DMD: variants seen among roughly 807,000 people sequenced by gnomAD.
The protein encoded by DMD is dystrophin.
Under a neutral mutation model 330.1 loss-of-function variants are expected in DMD, and 63 were observed. The ratio of observed to expected loss-of-function variants is 0.19; its 90% CI spans 0.16 to 0.24. The LOEUF is 0.24. Among genes scored for constraint, DMD ranks in the 10% least tolerant of loss-of-function variants. The probability of loss-of-function intolerance (pLI) is 1.00; values close to 1 mark genes in which losing one functional copy is unlikely to be tolerated. For synonymous variants in DMD, 1,223 were observed against 959.8 expected (o/e 1.27, Z -5.07); for missense variants, 3,344 against 2,684.1 (o/e 1.25, Z -5.43).
intron 51 of DMD, among the ~76,000 whole-genome samples, chrX:31,762,330 G>A (rs1410990476): frequency 2.8e-5 from 3 of 105,688 alleles, no homozygotes; most frequent in Admixed American, 9.8e-5. Flanking sequence ...CACCACTTTG[G>A]GAGGCTGAGG....
intron 2 of DMD, among the ~76,000 whole-genome samples, chrX:32,969,818 A>G (rs1225309486): frequency 2.1e-5 from 2 of 94,684 alleles, no homozygotes; most frequent in East Asian, 6.6e-4. Context: ...TAAAGGGCAC[A>G]GGCATGGACT....
chrX:32,440,117 T>A (rs914522660), intron 28 of DMD, among the ~76,000 whole-genome samples: 1 of 111,617 alleles, frequency 9.0e-6, no homozygotes, highest in Non-Finnish European at 1.9e-5. Flanking sequence ...AACAGCATCA[T>A]CCTATCTTCT....
intron 43 of DMD, among the ~76,000 whole-genome samples, chrX:32,256,341 A>AT (rs1215287040): frequency 4.1e-5 from 4 of 96,738 alleles, no homozygotes; most frequent in Non-Finnish European, 8.4e-5. Context: ...TTAATTTTTT[A>AT]TTTTTTTGCT....
intron 1 of DMD, among the ~76,000 whole-genome samples, chrX:33,078,131 T>TC (rs1001670744): frequency 8.1e-5 from 9 of 111,516 alleles, no homozygotes; most frequent in Non-Finnish European, 1.7e-4. Context: ...CCTCTTGAGG[T>TC]CCCAAGATAA....
In DMD at chrX:32,573,770, T is replaced by G; in HGVS notation, c.1679A>C (p.Lys560Thr). Residue 560 changes from lysine to threonine, a missense_variant, in exon 14 of 79, where the codon AAA becomes ACA. Physicochemically the swap from Lys to Thr is moderately conservative, Grantham distance 78. Transcript: ENST00000357033. ...RWVLLQDILL[K>T]WQRLTEEQCL... Reference sequence around the variant, plus strand: ...CTGTTCTTCAGTAAGACGTTGCCATTTGAGAAGGATGTCTTGTAAAAGAAC... The same window carrying G: ...CTGTTCTTCAGTAAGACGTTGCCATGTGAGAAGGATGTCTTGTAAAAGAAC... The G allele has an allele frequency of 8.3e-7, 1 of 1,211,629 alleles. No individual in the cohort carries two copies. Among genetic ancestry groups the G allele is most frequent in the Non-Finnish European group, 1.1e-6 (1 of 895,377 alleles).
intron 4 of DMD, among the ~76,000 whole-genome samples, chrX:32,830,191 T>C (rs1048231262): frequency 1.8e-5 from 2 of 111,627 alleles, no homozygotes; most frequent in Non-Finnish European, 3.8e-5. Flanking sequence ...GCTCTTATAA[T>C]GCTGTATTTC....
chrX:31,444,378 CCATGAACATTA>C, intron 60 of DMD, 92 bp downstream of exon 60: 1 of 913,094 alleles, frequency 1.1e-6, no homozygotes, highest in Non-Finnish European at 1.6e-6. Context: ...ACAAATATTA[CCATGAACATTA>C]CATGAAAAAA....
At chrX:32,202,993 T>C (rs1569550642) in intron 44 of DMD, among the ~76,000 whole-genome samples, 1 of 111,964 alleles carries the variant, frequency 8.9e-6, no homozygotes, top group Non-Finnish European at 1.9e-5. Context: ...AACTGTGGTT[T>C]ATAGGCTAAA....
chrX:33,032,362 T>C (rs1055218608), intron 1 of DMD, among the ~76,000 whole-genome samples: 1 of 112,240 alleles, frequency 8.9e-6, no homozygotes, highest in Non-Finnish European at 1.9e-5. Context: ...TTTGTTCTTA[T>C]AAGTCATTGA....
At chrX:31,134,381 T>C (rs1415556533) in intron 76 of DMD, among the ~76,000 whole-genome samples, 187 bp from the exon 77 acceptor site, 1 of 109,238 alleles carries the variant, frequency 9.2e-6, no homozygotes, top group Non-Finnish European at 1.9e-5. Flanking sequence ...TACAGTAGTT[T>C]ATCTATATCA....
chrX:33,043,999 A>G, intron 1 of DMD, among the ~76,000 whole-genome samples: 1 of 111,560 alleles, frequency 9.0e-6, no homozygotes, highest in Non-Finnish European at 1.9e-5. Flanking sequence ...GTTAATCTAA[A>G]TCTGCAAAAC....
chrX:32,719,724 CT>C (rs200261265), intron 7 of DMD, among the ~76,000 whole-genome samples: 10 of 109,591 alleles, frequency 9.1e-5, no homozygotes, highest in Non-Finnish European at 1.7e-4. Context: ...ATGCCTGATA[CT>C]TTTTTTTTCA....
At chrX:32,461,385 A>G (rs1194352515) in intron 25 of DMD, among the ~76,000 whole-genome samples, 1 of 111,295 alleles carries the variant, frequency 9.0e-6, no homozygotes. Context: ...CAAAGTCAGA[A>G]CATGGCCAGA....
intron 53 of DMD, among the ~76,000 whole-genome samples, chrX:31,658,679 T>C (rs1482849408): frequency 8.9e-6 from 1 of 112,486 alleles, no homozygotes; most frequent in Non-Finnish European, 1.9e-5. Context: ...TAGAATACCT[T>C]ACTTTAAAAT....
At chrX:31,594,138 A>C (rs1016064690) in intron 55 of DMD, among the ~76,000 whole-genome samples, 2 of 110,973 alleles carry the variant, frequency 1.8e-5, no homozygotes, top group Non-Finnish European at 3.8e-5. Context: ...TATCCTATGC[A>C]TTGTAGGATA....
At chrX:31,691,768 A>G (rs1174525177) in intron 52 of DMD, among the ~76,000 whole-genome samples, 1 of 112,217 alleles carries the variant, frequency 8.9e-6, no homozygotes, top group East Asian at 2.8e-4. Context: ...CCCAAATCAG[A>G]GCACCTAAAT....
intron 60 of DMD, among the ~76,000 whole-genome samples, chrX:31,394,630 C>G (rs149973789): frequency 0.021 from 2,343 of 110,121 alleles, 60 homozygotes; most frequent in African/African-American, 0.074. Flanking sequence ...TCTGTCTCTA[C>G]TGAAAATACA....
chrX:33,092,057 C>T (rs1460369643), intron 1 of DMD, among the ~76,000 whole-genome samples: 2 of 111,287 alleles, frequency 1.8e-5, no homozygotes, highest in Non-Finnish European at 3.8e-5. Context: ...AAGACAAACT[C>T]TCTTTTGTGT....
At chrX:32,906,925 G>A (rs1025508900) in intron 2 of DMD, among the ~76,000 whole-genome samples, 1 of 111,799 alleles carries the variant, frequency 8.9e-6, no homozygotes, top group African/African-American at 3.2e-5. Context: ...ATATTAGAAT[G>A]ACATTATATG....
Sources: gnomAD v4.1 joint callset for allele counts (sites outside exome capture counted in the v4.1 genomes callset) on GRCh38, gnomAD v4.1.1 for gene constraint, MANE v1.5 for transcripts, NCBI Gene and HGNC (gene_info 2026-07-23, HGNC 2026-07-21) for gene names.